The following GPHN variants were observed in gnomAD, a reference collection of about 807,000 sequenced individuals.
GPHN encodes the protein gephyrin.
Under a neutral mutation model 95.5 loss-of-function variants are expected in GPHN, and 17 were observed. The observed-to-expected ratio is 0.18, with a 90% confidence interval of 0.12 to 0.27. GPHN has a LOEUF of 0.27. GPHN is among the 10% of genes least tolerant of loss of function. The pLI is 1.00. For synonymous variants in GPHN, 320 were observed against 322.5 expected (o/e 0.99, Z 0.08); for missense variants, 660 against 978.1 (o/e 0.67, Z 4.34).
chr14:66,782,370 C>T (rs866214806), intron 3 of GPHN, among the ~76,000 whole-genome samples: 72 of 152,210 alleles, frequency 4.7e-4, no homozygotes, highest in African/African-American at 1.7e-3. Flanking sequence ...ATTTTATTGG[C>T]TCATGTATTG....
chr14:67,285,119 G>A, the GPHN span, among the ~76,000 whole-genome samples: 3 of 152,072 alleles, frequency 2.0e-5, no homozygotes, highest in Non-Finnish European at 4.4e-5. Context: ...TTCCCCATCT[G>A]AGTATCATAT....
chr14:66,978,571 C>T lies in GPHN; in HGVS notation c.963+13246C>T, dbSNP rs1030501125. Among the ~76,000 whole-genome samples, 18 of 152,282 alleles carry T rather than the reference C, an allele frequency of 1.2e-4. No homozygotes were observed. In the East Asian group the frequency reaches 3.5e-3, roughly 29 times the overall value. On this transcript the variant is annotated intron_variant, in intron 9 of 22. Coordinates refer to ENST00000478722, the MANE Select transcript of GPHN (RefSeq NM_020806.5). ...GAGTATCACAGTAATTCAGTCGCAA[C>T]TTCAGGCTCCCCTTCTAATTGTAGT...
intron 8 of GPHN, among the ~76,000 whole-genome samples, chr14:66,950,781 C>T (rs912199740): frequency 5.3e-5 from 8 of 151,710 alleles, no homozygotes; most frequent in African/African-American, 1.5e-4. Flanking sequence ...TTTGAACCAC[C>T]CTCTCATTCA....
At chr14:66,707,604 G>T (rs1566848159) in intron 2 of GPHN, among the ~76,000 whole-genome samples, 1 of 152,126 alleles carries the variant, frequency 6.6e-6, no homozygotes, top group Admixed American at 6.6e-5. Flanking sequence ...TCTTAAGTGG[G>T]TGTTGAACAA....
At chr14:66,674,959 CTT>C (rs2066500686) in intron 1 of GPHN, among the ~76,000 whole-genome samples, 1 of 152,140 alleles carries the variant, frequency 6.6e-6, no homozygotes, top group South Asian at 2.1e-4. Flanking sequence ...TCCTGTTTCT[CTT>C]CGTCGTCACC....
intron 1 of GPHN, among the ~76,000 whole-genome samples, chr14:66,544,896 G>A (rs942322918): frequency 2.6e-5 from 4 of 152,084 alleles, no homozygotes; most frequent in Non-Finnish European, 5.9e-5. Context: ...AGAGAGCACA[G>A]GGTTGGGGGT....
chr14:67,159,439 A>G lies in GPHN; in HGVS notation c.1861A>G (p.Ile621Val). ...EKDYLKQVLD[I>V]DLHAQIHFGR... ...GGACTATCTCAAGCAGGTGCTGGAC[A>G]TTGATCTTCATGCTCAGATCCATTT... Residue 621 changes from isoleucine to valine, a missense_variant, in exon 19 of 23, where the codon ATT (isoleucine) becomes GTT (valine). By Grantham distance (29) the Ile-to-Val change is conservative. Around this residue, in one of 6 missense-constraint regions of GPHN, gnomAD observed 257 missense variants for 376.2 expected, o/e 0.68. Coordinates refer to ENST00000478722, the MANE Select transcript of GPHN (RefSeq NM_020806.5). 2 of 1,606,634 alleles carry G rather than the reference A, an allele frequency of 1.2e-6. No individual in the cohort carries two copies. The highest frequency in any genetic ancestry group is 1.7e-6 in the Non-Finnish European group (2 of 1,173,234).
chr14:66,708,302 T>C (rs762159237), intron 2 of GPHN, among the ~76,000 whole-genome samples: 17 of 152,082 alleles, frequency 1.1e-4, no homozygotes, highest in Non-Finnish European at 2.4e-4. Flanking sequence ...CAATTGTGAA[T>C]AATAGGACTA....
chr14:67,605,176 A>G, the GPHN span, among the ~76,000 whole-genome samples: 1 of 152,208 alleles, frequency 6.6e-6, no homozygotes, highest in Admixed American at 6.5e-5. Context: ...CATCTTAACT[A>G]TGCCGCATGT....
chr14:66,529,315 A>C (rs1474913614), intron 1 of GPHN, among the ~76,000 whole-genome samples: 1 of 151,856 alleles, frequency 6.6e-6, no homozygotes, highest in Non-Finnish European at 1.5e-5. Context: ...CTGCTCCATC[A>C]GGTCATTTAT....
the GPHN span, chr14:67,585,444 A>C: frequency 1.5e-6 from 1 of 671,030 alleles, no homozygotes; most frequent in East Asian, 2.7e-5. Context: ...TTTGTTTTCC[A>C]AGATGAGGTG....
At chr14:67,158,469 A>C (rs1184052869) in intron 18 of GPHN, among the ~76,000 whole-genome samples, 1 of 152,194 alleles carries the variant, frequency 6.6e-6, no homozygotes, top group Non-Finnish European at 1.5e-5. Context: ...CTATTTCAGC[A>C]ATCCCGGTGA....
intron 5 of GPHN, among the ~76,000 whole-genome samples, chr14:66,892,356 G>A (rs1001207250): frequency 1.3e-5 from 2 of 152,094 alleles, no homozygotes; most frequent in Non-Finnish European, 2.9e-5. Context: ...CCCGGAATTC[G>A]AGGTTACAGT....
At chr14:67,343,224 A>G in the GPHN span, 35 of 513,388 alleles carry the variant, frequency 6.8e-5, no homozygotes, top group African/African-American at 6.7e-4. Context: ...TTTTTTTACT[A>G]TGGACACACT....
intron 12 of GPHN, among the ~76,000 whole-genome samples, chr14:67,093,706 G>A (rs532581656): frequency 6.6e-6 from 1 of 151,978 alleles, no homozygotes; most frequent in African/African-American, 2.4e-5. Flanking sequence ...TCTTACTCAT[G>A]TATCCTATGC....
At chr14:67,665,259 CTTTTT>C in the GPHN span, among the ~76,000 whole-genome samples, 1 of 126,534 alleles carries the variant, frequency 7.9e-6, no homozygotes, top group Admixed American at 8.3e-5. Flanking sequence ...TCAGTTATAT[CTTTTT>C]TTTTTTTTTT....
At chr14:67,097,540 C>T (rs1317876670) in intron 12 of GPHN, among the ~76,000 whole-genome samples, 2 of 151,866 alleles carry the variant, frequency 1.3e-5, no homozygotes, top group African/African-American at 4.8e-5. Context: ...TATTTCCCTC[C>T]CTTTGTCTCT....
the GPHN span, among the ~76,000 whole-genome samples, chr14:67,295,400 GA>G: frequency 6.6e-6 from 1 of 151,216 alleles, no homozygotes; most frequent in Non-Finnish European, 1.5e-5. Flanking sequence ...TGAGGCAGGA[GA>G]ATCACTTAAA....
At chr14:66,822,461 T>C (rs1452363083) in intron 3 of GPHN, among the ~76,000 whole-genome samples, 2 of 152,236 alleles carry the variant, frequency 1.3e-5, no homozygotes, top group African/African-American at 4.8e-5. Context: ...GCTCCGCAGA[T>C]AATTCCATTG....
Sources: allele counts gnomAD v4.1 joint callset (sites outside exome capture counted in the v4.1 genomes callset), GRCh38; gene constraint gnomAD v4.1.1; regional missense constraint gnomAD v4.1.1; transcripts MANE v1.5; gene names NCBI Gene and HGNC (gene_info 2026-07-23, HGNC 2026-07-21).